The following TMEM132C variants were observed in gnomAD, a reference collection of about 807,000 sequenced individuals.
The protein encoded by TMEM132C is transmembrane protein 132C.
Under a neutral mutation model 61.4 loss-of-function variants are expected in TMEM132C, and 29 were observed. That is an observed-to-expected ratio of 0.47 (90% CI 0.35 to 0.64). TMEM132C has a LOEUF of 0.64. Among genes scored for constraint, TMEM132C ranks in the 30% least tolerant of loss-of-function variants. TMEM132C has a pLI of 0.00. For synonymous variants in TMEM132C, 656 were observed against 633.1 expected (o/e 1.04, Z -0.54); for missense variants, 1,408 against 1,476.9 (o/e 0.95, Z 0.76).
At position 128,696,007 on chromosome 12, in the gene TMEM132C, G is replaced by A. The variant is rs545244877; in HGVS notation, c.1833G>A (p.Leu611=). 290 of 1,551,774 alleles carry A rather than the reference G, an allele frequency of 1.9e-4. No homozygotes were observed. Among genetic ancestry groups the A allele is most frequent in the Middle Eastern group, 8.3e-4 (5 of 5,990 alleles). ...SPNWQFDITH[L]VADFMKLEEP... ...ACTGGCAGTTCGACATCACTCACCT[G>A]GTGGCAGACTTCATGAAGCTGGAGG... The change falls in exon 7 of 9, where the codon CTG becomes CTA. Residue 611 remains leucine (L), a synonymous_variant. Coordinates refer to ENST00000435159, the MANE Select transcript of TMEM132C (RefSeq NM_001136103.3).
At chr12:128,555,842 G>A (rs1280114529) in intron 3 of TMEM132C, among the ~76,000 whole-genome samples, 3 of 151,964 alleles carry the variant, frequency 2.0e-5, no homozygotes, top group Non-Finnish European at 4.4e-5. Flanking sequence ...AGTCTCTTGA[G>A]TGACTGGGAC....
chr12:128,525,483 A>T (rs1325833666), intron 2 of TMEM132C, among the ~76,000 whole-genome samples: 1 of 152,122 alleles, frequency 6.6e-6, no homozygotes, highest in South Asian at 2.1e-4. Context: ...GAATAATTAA[A>T]TGTCTTGCTT....
intron 2 of TMEM132C, among the ~76,000 whole-genome samples, chr12:128,462,631 T>C (rs1870577215): frequency 6.6e-6 from 1 of 152,218 alleles, no homozygotes; most frequent in Non-Finnish European, 1.5e-5. Context: ...ACACTCTAAC[T>C]CTTTGATCTC....
intron 1 of TMEM132C, among the ~76,000 whole-genome samples, chr12:128,379,475 C>T (rs1356386660): frequency 6.6e-6 from 1 of 152,164 alleles, no homozygotes; most frequent in African/African-American, 2.4e-5. Context: ...GATTTAATTC[C>T]TGTCAGTTCT....
At chr12:128,691,346 A>G (rs527882713) in intron 5 of TMEM132C, among the ~76,000 whole-genome samples, 3 of 152,340 alleles carry the variant, frequency 2.0e-5, no homozygotes, top group African/African-American at 7.2e-5. Flanking sequence ...TGCATCGTCC[A>G]TCAACCCCAA....
intron 5 of TMEM132C, among the ~76,000 whole-genome samples, chr12:128,686,460 G>T (rs888361193): frequency 3.3e-5 from 5 of 152,192 alleles, no homozygotes; most frequent in African/African-American, 1.2e-4. Flanking sequence ...GGGCATGGTG[G>T]TGTGTGCCTG....
intron 3 of TMEM132C, among the ~76,000 whole-genome samples, chr12:128,610,640 A>G (rs1302348735): frequency 1.3e-5 from 2 of 152,192 alleles, no homozygotes; most frequent in Non-Finnish European, 2.9e-5. Flanking sequence ...CAAGCCCCAT[A>G]TGAGCTGATG....
chr12:128,477,420 T>A (rs1367645144), intron 2 of TMEM132C, among the ~76,000 whole-genome samples: 2 of 152,166 alleles, frequency 1.3e-5, no homozygotes, highest in East Asian at 3.8e-4. Flanking sequence ...TAGCTAAAGA[T>A]AAGTCCATGG....
intron 1 of TMEM132C, among the ~76,000 whole-genome samples, chr12:128,363,709 G>T (rs191872334): frequency 6.6e-6 from 1 of 152,178 alleles, no homozygotes; most frequent in Admixed American, 6.5e-5. Flanking sequence ...GCTGGGCGTG[G>T]TGGCACATGC....
chr12:128,333,986 G>A (rs1275643701), intron 1 of TMEM132C, among the ~76,000 whole-genome samples: 1 of 151,918 alleles, frequency 6.6e-6, no homozygotes, highest in African/African-American at 2.4e-5. Context: ...CCTGTGTGGT[G>A]TGTGTGTGCA....
At chr12:128,319,415 G>A (rs1872255047) in intron 1 of TMEM132C, among the ~76,000 whole-genome samples, 1 of 152,032 alleles carries the variant, frequency 6.6e-6, no homozygotes, top group Non-Finnish European at 1.5e-5. Flanking sequence ...GTTGGGCCAA[G>A]TGCGGTTCAC....
chr12:128,505,152 T>G (rs1024446479), intron 2 of TMEM132C, among the ~76,000 whole-genome samples: 1 of 152,012 alleles, frequency 6.6e-6, no homozygotes, highest in African/African-American at 2.4e-5. Flanking sequence ...AAGTCAGGGC[T>G]CATTGGGAAG....
chr12:128,415,103 A>G lies in TMEM132C; in HGVS notation c.457A>G (p.Ile153Val), dbSNP rs372788590. The change falls in exon 2 of 9, where the codon ATC (isoleucine) becomes GTC (valine). Residue 153 changes from isoleucine (I) to valine (V), a missense_variant. Physicochemically the swap from Ile to Val is conservative, Grantham distance 29. Coordinates refer to ENST00000435159, the MANE Select transcript of TMEM132C (RefSeq NM_001136103.3). The surrounding 1 kb of genome is among the most constrained non-coding windows in gnomAD (Gnocchi z 5.8). The stretch of plus-strand genomic sequence containing the variant: ...GCCCAAAGTGCAGGTTCTTTTCCAC[A>G]TCATGGGCAGAGACTGGGATGACCA... ...SRPKVQVLFH[I>V]MGRDWDDHGA... is the part of the protein sequence containing the mutation. 4.5e-5 allele frequency: 73 copies of G among 1,608,946 alleles called. No homozygotes were observed. Among genetic ancestry groups the G allele is most frequent in the Non-Finnish European group, 5.8e-5 (68 of 1,177,696 alleles).
intron 4 of TMEM132C, among the ~76,000 whole-genome samples, chr12:128,666,887 G>A (rs143591388): frequency 0.072 from 10,946 of 152,266 alleles, 523 homozygotes; most frequent in East Asian, 0.23. Context: ...TGGCTAACAC[G>A]GTGAAACCCC....
intron 2 of TMEM132C, among the ~76,000 whole-genome samples, chr12:128,508,634 C>T (rs1265418517): frequency 6.6e-6 from 1 of 152,196 alleles, no homozygotes; most frequent in Non-Finnish European, 1.5e-5. Context: ...CCGGATGCCA[C>T]CAGTGCCTCC....
intron 2 of TMEM132C, among the ~76,000 whole-genome samples, chr12:128,435,467 T>C (rs1869551397): frequency 6.6e-6 from 1 of 152,144 alleles, no homozygotes; most frequent in African/African-American, 2.4e-5. Flanking sequence ...GGATACAAAA[T>C]CAATGTGCAG....
chr12:128,476,121 G>A (rs889422225), intron 2 of TMEM132C, among the ~76,000 whole-genome samples: 1 of 152,232 alleles, frequency 6.6e-6, no homozygotes, highest in Non-Finnish European at 1.5e-5. Context: ...TTCAGAGTCA[G>A]TCTCTGATCA....
chr12:128,464,070 C>G (rs1870637947), intron 2 of TMEM132C, among the ~76,000 whole-genome samples: 1 of 152,110 alleles, frequency 6.6e-6, no homozygotes, highest in Non-Finnish European at 1.5e-5. Context: ...AGTGATTGGC[C>G]AACAGTGTCC....
chr12:128,701,103 G>T (rs1295926013), intron 8 of TMEM132C, among the ~76,000 whole-genome samples: 3 of 152,150 alleles, frequency 2.0e-5, no homozygotes, highest in Non-Finnish European at 2.9e-5. Context: ...GAGGGGCAAG[G>T]GATCTGGGAT....
Sources: allele counts gnomAD v4.1 joint callset (sites outside exome capture counted in the v4.1 genomes callset), GRCh38; gene constraint gnomAD v4.1.1; non-coding constraint Gnocchi (gnomAD v3.1); transcripts MANE v1.5; gene names NCBI Gene and HGNC (gene_info 2026-07-23, HGNC 2026-07-21).